Variants in DEK observed in about 807,000 individuals in gnomAD.
DEK encodes the protein DEK proto-oncogene.
Under a neutral mutation model 46.8 loss-of-function variants are expected in DEK, and 28 were observed. That is an observed-to-expected ratio of 0.60 (90% CI 0.44 to 0.82). DEK has a LOEUF of 0.82. DEK is among the 40% of genes least tolerant of loss of function. The pLI, the probability that DEK is intolerant of heterozygous loss-of-function variation, is 0.00. For synonymous variants in DEK, 160 were observed against 144.5 expected, an observed-to-expected ratio of 1.11 and a Z score of -0.77; for missense variants, 416 against 430.6, an observed-to-expected ratio of 0.97 and a Z score of 0.30.
In DEK at chr6:18,224,976, G is replaced by C. The variant is rs145741832; in HGVS notation, c.*743C>G. The C allele has an allele frequency of 4.4e-4, 95 of 217,306 alleles. No homozygotes were observed. Among genetic ancestry groups the C allele is most frequent in the African/African-American group, 2.1e-3 (95 of 44,600 alleles). The allele number at this position is 217,306 out of a possible 1,614,324, so 13.5% of individuals were successfully genotyped here. A position where few individuals can be genotyped will look rare whatever the true frequency, so the allele number is the denominator to read the frequency against. On this transcript the variant is annotated 3_prime_UTR_variant, in exon 11 of 11. Transcript: ENST00000652689. Reference sequence around the variant, plus strand: ...GCAGGGTAACTGTTCCTTCAGTGTTGCCATCACTGAATTGACTTTCACTGT... The same window carrying C: ...GCAGGGTAACTGTTCCTTCAGTGTTCCCATCACTGAATTGACTTTCACTGT...
Position 18,225,024 on chromosome 6 carries a change from C to G in DEK, c.*695G>C, listed in dbSNP as rs907019211. ...TGTTCCATCATACTGTTTGGCTGAACACTGACATTCCATAGTCTACAACTA... is the reference window on the plus strand; with the variant it reads ...TGTTCCATCATACTGTTTGGCTGAAGACTGACATTCCATAGTCTACAACTA... On this transcript the variant is annotated 3_prime_UTR_variant, in exon 11 of 11. Transcript: ENST00000652689. 4.6e-6 allele frequency: 1 copy of G among 217,082 alleles called. No homozygotes were observed. Among genetic ancestry groups the G allele is most frequent in the Non-Finnish European group, 9.3e-6 (1 of 107,712 alleles). 13.4% of individuals were successfully genotyped at this position (217,082 alleles called of 1,614,324 possible).
At chr6:18,250,923 A>G (rs957620430) in intron 6 of DEK, among the ~76,000 whole-genome samples, 6 of 152,234 alleles carry the variant, frequency 3.9e-5, no homozygotes, top group South Asian at 2.1e-4. Context: ...ACTGATGCCT[A>G]TAAGTATACA....
chr6:18,257,817 T>C (rs1199949257), intron 4 of DEK, 136 bp downstream of exon 4: 2 of 462,442 alleles, frequency 4.3e-6, no homozygotes, highest in South Asian at 7.2e-5. Context: ...CTGTGATAAA[T>C]CATTTAATAA....
At chr6:18,226,753 C>T (rs976926045) in intron 9 of DEK, among the ~76,000 whole-genome samples, 31 of 152,170 alleles carry the variant, frequency 2.0e-4, no homozygotes, top group Admixed American at 1.6e-3. Flanking sequence ...GCATTCCAGC[C>T]TGGACCACAG....
chr6:18,226,463 TGA>T (rs1790128138), intron 9 of DEK, among the ~76,000 whole-genome samples: 1 of 152,224 alleles, frequency 6.6e-6, no homozygotes, highest in Non-Finnish European at 1.5e-5. Flanking sequence ...GTTTTCAGGC[TGA>T]GAGTCTGGAA....
At chr6:18,259,430 A>AAAAAAAAAAAAAAAAAAAAAT (rs1554162685) in intron 2 of DEK, among the ~76,000 whole-genome samples, 3 of 96,742 alleles carry the variant, frequency 3.1e-5, no homozygotes, top group Non-Finnish European at 7.1e-5. Flanking sequence ...AAAAAAAAAA[A>AAAAAAAAAAAAAAAAAAAAAT]AAATCTAGAA....
intron 9 of DEK, among the ~76,000 whole-genome samples, chr6:18,236,063 A>C (rs1406126601): frequency 2.8e-4 from 43 of 152,216 alleles, no homozygotes; most frequent in Non-Finnish European, 1.5e-5. Context: ...TTAAGAACCT[A>C]ATCTATAACA....
Position 18,225,750 on chromosome 6 carries a change from T to A in DEK, c.1117-20A>T. The stretch of plus-strand genomic sequence containing the variant: ...AATTAGCTGTAATGAAAGAGAAACA[T>A]TATTTTGCCATAAATCATAAACCTT... On this transcript the variant is annotated intron_variant, in intron 10 of 10. Transcript: ENST00000652689. The A allele has an allele frequency of 6.2e-7, 1 of 1,612,760 alleles. No homozygotes were observed. Among genetic ancestry groups the A allele is most frequent in the Non-Finnish European group, 8.5e-7 (1 of 1,179,308 alleles).
chr6:18,255,900 CAT>C (rs766341457), intron 5 of DEK, 49 bp from the exon 6 acceptor site: 1 of 1,562,486 alleles, frequency 6.4e-7, no homozygotes, highest in Admixed American at 2.1e-5. Context: ...GGAAAGCTTA[CAT>C]ATGTTCTCCA....
At chr6:18,244,435 GTA>G in intron 7 of DEK, 1 of 704,020 alleles carries the variant, frequency 1.4e-6, no homozygotes, top group South Asian at 1.6e-5. Context: ...AACCATGAAG[GTA>G]CAGAATCAGA....
At chr6:18,227,970 G>A (rs530359384) in intron 9 of DEK, among the ~76,000 whole-genome samples, 4 of 152,230 alleles carry the variant, frequency 2.6e-5, no homozygotes, top group South Asian at 4.1e-4. Context: ...GGTCTCAAGA[G>A]TCCTGTACTC....
chr6:18,249,549 A>T (rs1325033204), intron 7 of DEK, 102 bp downstream of exon 7: 14 of 1,399,256 alleles, frequency 1.0e-5, no homozygotes, highest in Non-Finnish European at 1.3e-5. Context: ...TCAGAATTAA[A>T]AACAACCAAT....
At chr6:18,247,402 T>C (rs1791168063) in intron 7 of DEK, among the ~76,000 whole-genome samples, 1 of 152,222 alleles carries the variant, frequency 6.6e-6, no homozygotes, top group Non-Finnish European at 1.5e-5. Context: ...TATTGTGTGA[T>C]TTCATACACC....
chr6:18,245,526 C>G (rs1011725033), intron 7 of DEK, among the ~76,000 whole-genome samples: 2 of 152,100 alleles, frequency 1.3e-5, no homozygotes, highest in Admixed American at 1.3e-4. Flanking sequence ...TTTCGAGATA[C>G]GTATGCGCTA....
chr6:18,263,753 C>T (rs954269099), intron 2 of DEK, 90 bp downstream of exon 2: 52 of 1,608,378 alleles, frequency 3.2e-5, no homozygotes, highest in Non-Finnish European at 4.1e-5. Flanking sequence ...CCTCTAAACA[C>T]CAAAAGAGCA....
chr6:18,234,121 G>A (rs1464892398), intron 9 of DEK, among the ~76,000 whole-genome samples: 1 of 150,350 alleles, frequency 6.7e-6, no homozygotes, highest in Non-Finnish European at 1.5e-5. Context: ...CTCACTCATA[G>A]GTGGGAATTG....
chr6:18,237,649 CTT>C, intron 7 of DEK, 133 bp from the exon 8 acceptor site: 1 of 1,239,104 alleles, frequency 8.1e-7, no homozygotes, highest in Admixed American at 3.1e-5. Flanking sequence ...ATTAAAAATT[CTT>C]TTTGAGAGAT....
At chr6:18,246,630 T>C (rs781245335) in intron 7 of DEK, among the ~76,000 whole-genome samples, 1 of 152,238 alleles carries the variant, frequency 6.6e-6, no homozygotes, top group African/African-American at 2.4e-5. Context: ...ACCTTAGTCT[T>C]CTACACATCT....
chr6:18,259,506 T>C (rs1156557540), intron 2 of DEK, among the ~76,000 whole-genome samples: 1 of 151,468 alleles, frequency 6.6e-6, no homozygotes, highest in Admixed American at 6.6e-5. Flanking sequence ...AAATCATTTT[T>C]TGAATGAAAT....
Sources: allele counts gnomAD v4.1 joint callset (sites outside exome capture counted in the v4.1 genomes callset), GRCh38; gene constraint gnomAD v4.1.1; transcripts MANE v1.5; gene names NCBI Gene and HGNC (gene_info 2026-07-23, HGNC 2026-07-21).